The following PLG variants were observed in gnomAD, a reference collection of about 807,000 sequenced individuals.
The protein encoded by PLG is plasminogen.
Under a neutral mutation model 104.4 loss-of-function variants are expected in PLG, and 41 were observed. The ratio of observed to expected loss-of-function variants is 0.39; its 90% CI spans 0.31 to 0.51. The LOEUF is 0.51. Ranked by LOEUF, PLG falls within the 20% of genes least tolerant of loss-of-function variation. PLG has a pLI of 0.76. For synonymous variants in PLG, 337 were observed against 357.1 expected (o/e 0.94, Z 0.63); for missense variants, 891 against 1,003.6 (o/e 0.89, Z 1.52).
rs2314851 is a variant in PLG, at chr6:160,702,381, G to T, written c.49+28G>T. 617,777 of 1,447,266 alleles carry T rather than the reference G, an allele frequency of 0.43. 135,545 individuals carry two copies. Among genetic ancestry groups the T allele is most frequent in the Non-Finnish European group, 0.45 (467,897 of 1,043,800 alleles). The allele number at this position is 1,447,266 out of a possible 1,614,324, so 89.7% of individuals were successfully genotyped here. On this transcript the variant is annotated intron_variant, in intron 1 of 18. Transcript: ENST00000308192. Reference sequence around the variant, plus strand: ...AAGACATAGTTTTTTTAAATTATAAGAATTATTTTTTCTCCCACAATGTAG... The same window carrying T: ...AAGACATAGTTTTTTTAAATTATAATAATTATTTTTTCTCCCACAATGTAG...
At position 160,735,473 on chromosome 6, in the gene PLG, G is replaced by C. The variant is rs1159110378; in HGVS notation, c.1681+1385G>C. On this transcript the variant is annotated intron_variant, in intron 13 of 18. Transcript: ENST00000308192. The surrounding 1 kb of genome is among the most constrained non-coding windows in gnomAD (Gnocchi z 5.4). ...AGAGATTGGAGAAAGAAGGAAGAAT[G>C]GGAACAAGATTTTTCCCAAAGGACT... 6.6e-6 allele frequency among the ~76,000 whole-genome samples: 1 copy of C among 152,170 alleles called. No homozygotes were observed. Among genetic ancestry groups the C allele is most frequent in the Non-Finnish European group, 1.5e-5 (1 of 68,036 alleles).
rs1235578338 is a variant in PLG at position 160,738,434 on chromosome 6, T to C, written c.1803-104T>C. ...CTTGCAGTCCTTTCCTTTGGGAATATGAACATGGTCAAAATTAAGTGAACG... is the reference window on the plus strand; with the variant it reads ...CTTGCAGTCCTTTCCTTTGGGAATACGAACATGGTCAAAATTAAGTGAACG... On this transcript the variant is annotated intron_variant, in intron 14 of 18. Transcript: ENST00000308192. The surrounding 1 kb of genome is among the most constrained non-coding windows in gnomAD (Gnocchi z 6.8). 3.7e-6 allele frequency: 3 copies of C among 815,452 alleles called. No homozygotes were observed. Among genetic ancestry groups the C allele is most frequent in the Non-Finnish European group, 6.6e-6 (3 of 457,494 alleles). The allele number at this position is 815,452 out of a possible 1,614,324, so 50.5% of individuals were successfully genotyped here.
intron 17 of PLG, among the ~76,000 whole-genome samples, chr6:160,751,057 T>C (rs541110220): frequency 1.3e-5 from 2 of 152,348 alleles, no homozygotes; most frequent in African/African-American, 2.4e-5. Flanking sequence ...GATTAGCTAA[T>C]ATTTTAAAAA....
chr6:160,718,765 A>C lies in PLG; in HGVS notation c.1023A>C (p.Gln341His). 1 of 1,613,782 alleles carries C rather than the reference A, an allele frequency of 6.2e-7. No individual in the cohort carries two copies. Among genetic ancestry groups the C allele is most frequent in the Non-Finnish European group, 8.5e-7 (1 of 1,179,686 alleles). The change falls in exon 9 of 19, where the codon CAA (glutamine) becomes CAC (histidine). Residue 341 changes from glutamine to histidine, a missense_variant. This residue lies in a region of PLG where 854 missense variants were observed against 932.1 expected (regional missense o/e 0.92). Coordinates refer to ENST00000308192, the MANE Select transcript of PLG (RefSeq NM_000301.5). ...RAPWCHTTNS[Q>H]VRWEYCKIPS... ...CATGGTGCCATACAACCAACAGCCA[A>C]GTGCGGTGGGAGTACTGTAAGATAC...
rs531270407 is a variant in PLG at position 160,744,849 on chromosome 6, G to A, written c.2125+3432G>A. Among the ~76,000 whole-genome samples, 11 of 152,288 alleles carry A rather than the reference G, an allele frequency of 7.2e-5. No homozygotes were observed. The highest frequency in any genetic ancestry group is 2.4e-4 in the African/African-American group (10 of 41,558). Reference sequence around the variant, plus strand: ...AGCTCTGTCCAAGAGATTCTGGTATGTTGTATCTTTATTCTCATTAGTTCA... The same window carrying A: ...AGCTCTGTCCAAGAGATTCTGGTATATTGTATCTTTATTCTCATTAGTTCA... On this transcript the variant is annotated intron_variant, in intron 17 of 18. Coordinates refer to ENST00000308192, the MANE Select transcript of PLG (RefSeq NM_000301.5). This position sits in a 1 kb window ranked among gnomAD's most constrained non-coding sequence, Gnocchi z 4.5.
Position 160,737,431 on chromosome 6 carries a change from C to T in PLG, c.1802+424C>T, listed in dbSNP as rs78466285. On this transcript the variant is annotated intron_variant, in intron 14 of 18. Coordinates refer to ENST00000308192, the MANE Select transcript of PLG (RefSeq NM_000301.5). This position sits in a 1 kb window ranked among gnomAD's most constrained non-coding sequence, Gnocchi z 4.7. ...AATTATCTCCAGTCTATCACAGGCA[C>T]AGATTCTTTTTCTTTGGACACTTTC... Among the ~76,000 whole-genome samples the T allele has an allele frequency of 1.3e-5, 2 of 152,308 alleles. No individual in the cohort carries two copies. Among genetic ancestry groups the T allele is most frequent in the Non-Finnish European group, 2.9e-5 (2 of 68,036 alleles).
chr6:160,728,324 C>T (rs6455699), intron 10 of PLG, among the ~76,000 whole-genome samples: 10 of 4,040 alleles, frequency 2.5e-3, no homozygotes, highest in South Asian at 0.013. Context: ...AGATATATCA[C>T]GCTTATATAT....
At chr6:160,707,671 C>T (rs751982091) in intron 2 of PLG, 29 bp from the exon 3 acceptor site, 141 of 1,531,426 alleles carry the variant, frequency 9.2e-5, no homozygotes, top group African/African-American at 3.7e-4. Context: ...AAGAAAAATA[C>T]TTATTGGATT....
In PLG at chr6:160,752,830, A is replaced by T; in HGVS notation, c.2272-70A>T. On this transcript the variant is annotated intron_variant, in intron 18 of 18. Transcript: ENST00000308192. This position sits in a 1 kb window ranked among gnomAD's most constrained non-coding sequence, Gnocchi z 4.7. ...GGGAAAATGTATATATGGATAGTAGAAGGATGGCATCCCATAATAAAAGGC... is the reference window on the plus strand; with the variant it reads ...GGGAAAATGTATATATGGATAGTAGTAGGATGGCATCCCATAATAAAAGGC... 1.3e-6 allele frequency: 2 copies of T among 1,516,552 alleles called. No individual in the cohort carries two copies. The highest frequency in any genetic ancestry group is 2.2e-5 in the South Asian group (2 of 88,976). 93.9% of individuals were successfully genotyped at this position (1,516,552 alleles called of 1,614,324 possible).
Position 160,735,556 on chromosome 6 carries a change from G to A in PLG, c.1682-1331G>A, listed in dbSNP as rs1298571517. 6.6e-6 allele frequency among the ~76,000 whole-genome samples: 1 copy of A among 152,228 alleles called. No homozygotes were observed. Among genetic ancestry groups the A allele is most frequent in the African/African-American group, 2.4e-5 (1 of 41,460 alleles). ...AAGTGAGGTTAACCCCAAGCCTGGT[G>A]AGAAGCGTTCCCATCAGACACTTGG... On this transcript the variant is annotated intron_variant, in intron 13 of 18. Coordinates refer to ENST00000308192, the MANE Select transcript of PLG (RefSeq NM_000301.5). The surrounding 1 kb of genome is among the most constrained non-coding windows in gnomAD (Gnocchi z 5.4).
chr6:160,722,589 T>G (rs1308357796), intron 10 of PLG, 22 bp downstream of exon 10: 1 of 1,608,296 alleles, frequency 6.2e-7, no homozygotes, highest in African/African-American at 1.3e-5. Flanking sequence ...ATTTTTACTG[T>G]AAGAGGGGCA....
rs1428071860 is a variant in PLG, at chr6:160,732,431, GT to G, written c.1587+539del. On this transcript the variant is annotated intron_variant, in intron 12 of 18. Transcript: ENST00000308192. The surrounding 1 kb of genome is among the most constrained non-coding windows in gnomAD (Gnocchi z 4.5). The stretch of plus-strand genomic sequence containing the variant: ...CAGCATAACACTTCTCACACCAGAT[GT>G]GGGGGGATTTCTCCTCACACCCCAA... Among the ~76,000 whole-genome samples the G allele has an allele frequency of 1.3e-5, 2 of 152,058 alleles. No homozygotes were observed. The highest frequency in any genetic ancestry group is 2.0e-4 in the East Asian group (1 of 5,108).
rs563316921 is a variant in PLG, at chr6:160,740,989, A to G, written c.2019-322A>G. ...CCCTATTCGATTAATGTAAAAGGAC[A>G]CACTCAGCATGAGATTCCAGTTGTG... is the stretch of plus-strand genomic sequence containing the variant. On this transcript the variant is annotated intron_variant, in intron 16 of 18. Coordinates refer to ENST00000308192, the MANE Select transcript of PLG (RefSeq NM_000301.5). The surrounding 1 kb of genome is among the most constrained non-coding windows in gnomAD (Gnocchi z 5.2). Among the ~76,000 whole-genome samples the G allele has an allele frequency of 5.3e-5, 8 of 152,328 alleles. No homozygotes were observed. The highest frequency in any genetic ancestry group is 1.9e-4 in the African/African-American group (8 of 41,576).
At chr6:160,748,582 A>G (rs546646935) in intron 17 of PLG, among the ~76,000 whole-genome samples, 17 of 152,218 alleles carry the variant, frequency 1.1e-4, no homozygotes, top group African/African-American at 3.9e-4. Flanking sequence ...AGCACCAAGC[A>G]CATGCTAAGA....
rs377265821 is a variant in PLG, at chr6:160,731,856, C to T, written c.1550C>T (p.Thr517Ile). The T allele has an allele frequency of 2.9e-5, 46 of 1,614,020 alleles. No individual in the cohort carries two copies. The highest frequency in any genetic ancestry group is 3.5e-5 in the Non-Finnish European group (41 of 1,180,014). The change falls in exon 12 of 19, where the codon ACT becomes ATT. Residue 517 changes from threonine to isoleucine, a missense_variant. Physicochemically the swap from Thr to Ile is moderately conservative, Grantham distance 89. This residue lies in a region of PLG where 854 missense variants were observed against 932.1 expected (regional missense o/e 0.92). Transcript: ENST00000308192. This position sits in a 1 kb window ranked among gnomAD's most constrained non-coding sequence, Gnocchi z 5.1. ...AQEPHRHSIF[T>I]PETNPRAGLE... ...GAGCCCCATAGACACAGCATTTTCA[C>T]TCCAGAGACAAATCCACGGGCGGGT...
chr6:160,716,808 G>A (rs748894824), intron 7 of PLG, 45 bp downstream of exon 7: 1 of 1,155,098 alleles, frequency 8.7e-7, no homozygotes, highest in Non-Finnish European at 1.3e-6. Flanking sequence ...GACCTGCCCT[G>A]TTCTTGAAAT....
intron 17 of PLG, among the ~76,000 whole-genome samples, chr6:160,748,926 A>G (rs1778347091): frequency 6.6e-6 from 1 of 152,196 alleles, no homozygotes; most frequent in African/African-American, 2.4e-5. Flanking sequence ...TAAACCCGTC[A>G]CTGATTAACT....
chr6:160,705,605 T>C (rs1379951244), intron 1 of PLG: 1 of 152,202 alleles, frequency 6.6e-6, no homozygotes, highest in Non-Finnish European at 1.5e-5. Flanking sequence ...TTGTCCAAGG[T>C]GGCAACATAA....
At position 160,718,902 on chromosome 6, in the gene PLG, G is replaced by T. The variant is rs1466380014; in HGVS notation, c.1096+64G>T. ...TTCTCCTTATTTTTGTATACCAGTG[G>T]CATCATCACAATATACAGTAGCTTT... is the stretch of plus-strand genomic sequence containing the variant. On this transcript the variant is annotated intron_variant, in intron 9 of 18. Transcript: ENST00000308192. 9.5e-6 allele frequency: 13 copies of T among 1,370,220 alleles called. No individual in the cohort carries two copies. The South Asian group carries it at 1.5e-4, about 16-fold the overall frequency. The allele number at this position is 1,370,220 out of a possible 1,614,324, so 84.9% of individuals were successfully genotyped here.
Sources: gnomAD v4.1 joint callset for allele counts (sites outside exome capture counted in the v4.1 genomes callset) on GRCh38, gnomAD v4.1.1 for gene constraint, gnomAD v4.1.1 regional missense constraint, Gnocchi (gnomAD v3.1) non-coding constraint, MANE v1.5 for transcripts, NCBI Gene and HGNC (gene_info 2026-07-23, HGNC 2026-07-21) for gene names.